The following TNNI3K variants were observed in gnomAD, a reference collection of about 807,000 sequenced individuals.
TNNI3K encodes TNNI3 interacting kinase, also known as serine/threonine-protein kinase TNNI3K.
In TNNI3K, 140 loss-of-function variants were observed where a neutral mutation model predicts 114.5. The observed-to-expected ratio is 1.22, with a 90% CI of 1.07 to 1.41. TNNI3K has a LOEUF of 1.41. Ranked by LOEUF, TNNI3K falls within the 40% of genes most tolerant of loss-of-function variation. The pLI, the probability that TNNI3K is intolerant of heterozygous loss-of-function variation, is 0.00. For synonymous variants in TNNI3K, 347 were observed against 347.5 expected, an observed-to-expected ratio of 1.00 and a Z score of 0.02; for missense variants, 1,125 against 1,007.6, an observed-to-expected ratio of 1.12 and a Z score of -1.58.
intron 23 of TNNI3K, among the ~76,000 whole-genome samples, chr1:74,511,019 C>T (rs1467658627): frequency 6.6e-6 from 1 of 152,014 alleles, no homozygotes; most frequent in African/African-American, 2.4e-5. Flanking sequence ...TCCCAAGTAG[C>T]TGGAATTACA....
chr1:74,340,735 G>A (rs886347746), intron 7 of TNNI3K, among the ~76,000 whole-genome samples: 3 of 152,172 alleles, frequency 2.0e-5, no homozygotes, highest in Non-Finnish European at 2.9e-5. Flanking sequence ...TGAACCTTAA[G>A]AATTCTTATG....
chr1:74,362,425 G>GT (rs1053252439), intron 11 of TNNI3K, among the ~76,000 whole-genome samples: 8 of 152,014 alleles, frequency 5.3e-5, no homozygotes, highest in Non-Finnish European at 4.4e-5. Context: ...AACCCAAAGG[G>GT]TCTCTGAGTC....
chr1:74,251,219 G>T (rs1654906491), intron 4 of TNNI3K, among the ~76,000 whole-genome samples: 1 of 152,114 alleles, frequency 6.6e-6, no homozygotes, highest in South Asian at 2.1e-4. Flanking sequence ...TTTTGCTTTA[G>T]CTGTTTATTT....
chr1:74,423,324 C>T (rs1320305354), intron 17 of TNNI3K, among the ~76,000 whole-genome samples: 2 of 152,104 alleles, frequency 1.3e-5, no homozygotes, highest in Non-Finnish European at 2.9e-5. Flanking sequence ...TCTTCTAACA[C>T]TCATTCTCCT....
intron 5 of TNNI3K, among the ~76,000 whole-genome samples, chr1:74,304,322 A>G (rs938819018): frequency 6.6e-6 from 1 of 152,234 alleles, no homozygotes; most frequent in African/African-American, 2.4e-5. Flanking sequence ...ATCTTCAGCA[A>G]CACCCACATC....
At chr1:74,291,881 AAC>A (rs1657698050) in intron 5 of TNNI3K, among the ~76,000 whole-genome samples, 1 of 151,554 alleles carries the variant, frequency 6.6e-6, no homozygotes, top group Admixed American at 6.6e-5. Flanking sequence ...CAATTGTCTC[AAC>A]ACCTTTTATT....
chr1:74,534,813 G>A (rs1164587785), intron 23 of TNNI3K, among the ~76,000 whole-genome samples: 2 of 152,052 alleles, frequency 1.3e-5, no homozygotes, highest in African/African-American at 4.8e-5. Context: ...AATCCTTAAC[G>A]ATGGGTTTAT....
At chr1:74,512,017 G>GGCAGCTTTCCTTCAT (rs1670252968) in intron 23 of TNNI3K, among the ~76,000 whole-genome samples, 1 of 152,064 alleles carries the variant, frequency 6.6e-6, no homozygotes, top group Admixed American at 6.5e-5. Flanking sequence ...GAAGGAAGAG[G>GGCAGCTTTCCTTCAT]GCAGCTTTCC....
chr1:74,313,899 T>C lies in TNNI3K; in HGVS notation c.445-17551T>C, dbSNP rs568904646. On this transcript the variant is annotated intron_variant, in intron 5 of 24. Coordinates refer to ENST00000326637, the MANE Select transcript of TNNI3K (RefSeq NM_015978.3). The stretch of plus-strand genomic sequence containing the variant: ...ATTGATGAGAAAAACAGAGATTAGG[T>C]AAATTGTACCAAATCATACAGCTGT... Among the ~76,000 whole-genome samples, 3 of 152,020 alleles carry C rather than the reference T, an allele frequency of 2.0e-5. No individual in the cohort carries two copies. In the South Asian group the frequency reaches 6.2e-4, roughly 32 times the overall value.
In TNNI3K at chr1:74,342,843, G is replaced by A; in HGVS notation, c.684G>A (p.Val228=). 6.2e-7 allele frequency: 1 copy of A among 1,613,500 alleles called. No individual in the cohort carries two copies. The highest frequency in any genetic ancestry group is 1.3e-5 in the African/African-American group (1 of 74,976). Reference sequence around the variant, plus strand: ...CTTTTTCTTTCTTGCTGATAACAGTGAATGCTCAAGATAATGAAGACCATG... The same window carrying A: ...CTTTTTCTTTCTTGCTGATAACAGTAAATGCTCAAGATAATGAAGACCATG... The part of the protein sequence containing the change: ...LLMEEGSKAD[V]NAQDNEDHVP... The change falls in exon 8 of 25, where the codon GTG becomes GTA. Residue 228 remains valine, a splice_region_variant and synonymous_variant. Transcript: ENST00000326637.
intron 11 of TNNI3K, among the ~76,000 whole-genome samples, chr1:74,364,173 A>C (rs188589944): frequency 1.3e-5 from 2 of 151,404 alleles, no homozygotes; most frequent in African/African-American, 4.9e-5. Context: ...CTAATTTAAA[A>C]AAAAATTTTT....
At chr1:74,246,239 C>A (rs1357351729) in intron 2 of TNNI3K, among the ~76,000 whole-genome samples, 2 of 152,176 alleles carry the variant, frequency 1.3e-5, no homozygotes, top group Non-Finnish European at 2.9e-5. Flanking sequence ...GGCTTTTAAA[C>A]CCTCAAAGCC....
intron 24 of TNNI3K, among the ~76,000 whole-genome samples, chr1:74,543,439 T>C (rs1260710218): frequency 6.6e-6 from 1 of 152,190 alleles, no homozygotes; most frequent in Non-Finnish European, 1.5e-5. Context: ...TATCAGACAG[T>C]GCTAATTGTC....
At chr1:74,359,328 G>T (rs1411875803) in intron 11 of TNNI3K, among the ~76,000 whole-genome samples, 3 of 152,024 alleles carry the variant, frequency 2.0e-5, no homozygotes, top group Non-Finnish European at 4.4e-5. Context: ...ATTGGTAAGT[G>T]CAGAGCAGAG....
chr1:74,253,906 C>T (rs1408899568), intron 4 of TNNI3K, among the ~76,000 whole-genome samples: 1 of 152,192 alleles, frequency 6.6e-6, no homozygotes, highest in Non-Finnish European at 1.5e-5. Flanking sequence ...CACGCTGTCA[C>T]CTCTTAGTTG....
chr1:74,343,011 G>C, intron 8 of TNNI3K, 25 bp downstream of exon 8: 2 of 1,613,598 alleles, frequency 1.2e-6, no homozygotes, highest in Middle Eastern at 1.7e-4. Flanking sequence ...GCATTCCATA[G>C]GTTCTCCAGG....
intron 16 of TNNI3K, 54 bp downstream of exon 16, chr1:74,369,639 G>C: frequency 1.3e-6 from 2 of 1,506,090 alleles, no homozygotes; most frequent in Non-Finnish European, 1.8e-6. Context: ...AACTACTCTT[G>C]CAATACTTCA....
rs374671124 is a variant in TNNI3K, at chr1:74,349,212, A to G, written c.933-4054A>G. Among the ~76,000 whole-genome samples, 6 of 150,698 alleles carry G rather than the reference A, an allele frequency of 4.0e-5. No homozygotes were observed. In the South Asian group the frequency reaches 1.0e-3, roughly 26 times the overall value. On this transcript the variant is annotated intron_variant, in intron 9 of 24. Coordinates refer to ENST00000326637, the MANE Select transcript of TNNI3K (RefSeq NM_015978.3). ...TTGAAAGTTTTTAGCATGAAAGCTAAAAACTTTTCTGCATCTATTGAGATA... is the reference window on the plus strand; with the variant it reads ...TTGAAAGTTTTTAGCATGAAAGCTAGAAACTTTTCTGCATCTATTGAGATA...
At chr1:74,352,036 G>C (rs1381773895) in intron 9 of TNNI3K, among the ~76,000 whole-genome samples, 1 of 152,194 alleles carries the variant, frequency 6.6e-6, no homozygotes, top group African/African-American at 2.4e-5. Context: ...TGGAGGAGGA[G>C]AGGTGCTCTG....
Sources: allele counts gnomAD v4.1 joint callset (sites outside exome capture counted in the v4.1 genomes callset), GRCh38; gene constraint gnomAD v4.1.1; transcripts MANE v1.5; gene names NCBI Gene and HGNC (gene_info 2026-07-23, HGNC 2026-07-21).